The following FBXW11 variants were observed in gnomAD, a reference collection of about 807,000 sequenced individuals.
The protein encoded by FBXW11 is F-box and WD repeat domain containing 11.
In FBXW11, 19 loss-of-function variants were observed where a neutral mutation model predicts 77.6. The observed-to-expected ratio is 0.24, with a 90% CI of 0.17 to 0.36. The LOEUF is 0.36. Among genes scored for constraint, FBXW11 ranks in the 10% least tolerant of loss-of-function variants. FBXW11 has a pLI of 1.00. For missense variants in FBXW11, 334 were observed against 704.2 expected (o/e 0.47, Z 5.95); for synonymous variants, 235 against 249.4 (o/e 0.94, Z 0.54).
At chr5:171,976,100 A>C (rs1289859999) in intron 1 of FBXW11, among the ~76,000 whole-genome samples, 4 of 152,170 alleles carry the variant, frequency 2.6e-5, no homozygotes, top group African/African-American at 9.7e-5. Flanking sequence ...AGGGGAAGGC[A>C]GCAGTTAAGG....
intron 2 of FBXW11, among the ~76,000 whole-genome samples, chr5:171,938,879 C>T (rs1250701359): frequency 5.3e-5 from 8 of 152,132 alleles, no homozygotes; most frequent in East Asian, 1.9e-4. Flanking sequence ...TCAGTATACA[C>T]CTTTAGGTGA....
At chr5:171,976,184 G>A (rs905281806) in intron 1 of FBXW11, among the ~76,000 whole-genome samples, 3 of 152,134 alleles carry the variant, frequency 2.0e-5, no homozygotes, top group African/African-American at 7.2e-5. Flanking sequence ...ACAAGTCAAC[G>A]ACAGTTTTAA....
intron 1 of FBXW11, among the ~76,000 whole-genome samples, chr5:172,003,994 A>C (rs890979382): frequency 6.6e-6 from 1 of 152,220 alleles, no homozygotes; most frequent in Non-Finnish European, 1.5e-5. Context: ...AAATCTAAAA[A>C]TATTTCATGC....
At chr5:171,977,801 C>T (rs1448308507) in intron 1 of FBXW11, 1 of 308,984 alleles carries the variant, frequency 3.2e-6, no homozygotes, top group South Asian at 2.5e-5. Context: ...ATCACGAGAA[C>T]AGCATGGGAA....
intron 7 of FBXW11, among the ~76,000 whole-genome samples, chr5:171,884,358 G>A (rs951498134): frequency 1.3e-5 from 2 of 152,220 alleles, no homozygotes; most frequent in South Asian, 4.1e-4. Context: ...GTAAGTATTT[G>A]GGTTTATTTC....
At chr5:171,908,382 T>C (rs951243521) in intron 4 of FBXW11, among the ~76,000 whole-genome samples, 4 of 152,204 alleles carry the variant, frequency 2.6e-5, no homozygotes, top group African/African-American at 9.6e-5. Flanking sequence ...GCCGTTGTAC[T>C]AATTTTTGAA....
chr5:172,004,894 C>T (rs1256357976), intron 1 of FBXW11, among the ~76,000 whole-genome samples: 2 of 151,992 alleles, frequency 1.3e-5, no homozygotes, highest in African/African-American at 2.4e-5. Flanking sequence ...CACACACACG[C>T]ATGCAAAAAT....
intron 3 of FBXW11, among the ~76,000 whole-genome samples, chr5:171,913,481 GAA>G (rs1761012517): frequency 6.6e-6 from 1 of 152,124 alleles, no homozygotes; most frequent in African/African-American, 2.4e-5. Context: ...GTGTTAAGAA[GAA>G]AATAACAGCA....
Position 171,931,302 on chromosome 5 carries a change from G to T in FBXW11, c.148-16897C>A, listed in dbSNP as rs551084511. On this transcript the variant is annotated intron_variant, in intron 2 of 13. Coordinates refer to ENST00000517395, the MANE Select transcript of FBXW11 (RefSeq NM_001378974.1). The stretch of plus-strand genomic sequence containing the variant: ...CTTCAAAAGGCACTACAAAACTACA[G>T]TATTCACGAAAGTGAAAGTGTGGTA... 4.6e-5 allele frequency among the ~76,000 whole-genome samples: 7 copies of T among 152,332 alleles called. No individual in the cohort carries two copies. The South Asian group carries it at 1.0e-3, about 23-fold the overall frequency.
intron 2 of FBXW11, among the ~76,000 whole-genome samples, chr5:171,948,433 G>A (rs142696290): frequency 1.1e-3 from 159 of 149,462 alleles, no homozygotes; most frequent in African/African-American, 3.6e-3. Flanking sequence ...TAAAATCTCT[G>A]CCATTAAAAA....
intron 2 of FBXW11, among the ~76,000 whole-genome samples, chr5:171,927,397 A>AT (rs1167431040): frequency 1.3e-5 from 2 of 152,092 alleles, no homozygotes; most frequent in Non-Finnish European, 2.9e-5. Flanking sequence ...TACACACAGA[A>AT]TTTTTTTTAA....
rs1766789010 is a variant in FBXW11 at position 172,006,517 on chromosome 5, C to T, written c.-15G>A. 2 of 1,502,748 alleles carry T rather than the reference C, an allele frequency of 1.3e-6. No individual in the cohort carries two copies. Among genetic ancestry groups the T allele is most frequent in the East Asian group, 5.7e-5 (2 of 35,126 alleles). The allele number at this position is 1,502,748 out of a possible 1,614,324, so 93.1% of individuals were successfully genotyped here. Reference sequence around the variant, plus strand: ...TCGGGCTCCATGGCGGCCCCGGCGGCCCCGCCTCGCTCTCCCCGCGCAGCA... The same window carrying T: ...TCGGGCTCCATGGCGGCCCCGGCGGTCCCGCCTCGCTCTCCCCGCGCAGCA... On this transcript the variant is annotated 5_prime_UTR_variant, in exon 1 of 14. Transcript: ENST00000517395.
intron 2 of FBXW11, among the ~76,000 whole-genome samples, chr5:171,943,231 A>G (rs981854171): frequency 2.6e-5 from 4 of 152,224 alleles, no homozygotes; most frequent in African/African-American, 9.6e-5. Context: ...TGCATGTAAC[A>G]TAAGGCATGG....
chr5:171,906,634 T>C (rs560299343), intron 4 of FBXW11, among the ~76,000 whole-genome samples: 109 of 152,290 alleles, frequency 7.2e-4, no homozygotes, highest in Non-Finnish European at 1.3e-3. Context: ...TTATAACATA[T>C]TATCATTAAT....
intron 1 of FBXW11, among the ~76,000 whole-genome samples, chr5:171,981,045 G>C (rs1234447836): frequency 6.6e-6 from 1 of 152,032 alleles, no homozygotes; most frequent in Non-Finnish European, 1.5e-5. Flanking sequence ...AAAAGGAAAG[G>C]GACTGGAGAC....
At chr5:171,975,831 A>C (rs779146302) in intron 1 of FBXW11, among the ~76,000 whole-genome samples, 1 of 152,210 alleles carries the variant, frequency 6.6e-6, no homozygotes, top group Non-Finnish European at 1.5e-5. Flanking sequence ...AAAAATCATA[A>C]AGAATAGCAT....
At position 171,894,970 on chromosome 5, in the gene FBXW11, T is replaced by C. The variant is rs942258476; in HGVS notation, c.715-3366A>G. 2.0e-3 allele frequency among the ~76,000 whole-genome samples: 299 copies of C among 152,186 alleles called. 3 individuals carry two copies. Among genetic ancestry groups the C allele is most frequent in the Non-Finnish European group, 1.0e-4 (7 of 68,030 alleles). On this transcript the variant is annotated intron_variant, in intron 6 of 13. Coordinates refer to ENST00000517395, the MANE Select transcript of FBXW11 (RefSeq NM_001378974.1). ...TGGGCTGCAACAACAAATACATATATTCTCACAAAGTTGCCAGAAATTGTT... is the reference window on the plus strand; with the variant it reads ...TGGGCTGCAACAACAAATACATATACTCTCACAAAGTTGCCAGAAATTGTT...
chr5:171,970,212 G>C (rs1391836428), intron 1 of FBXW11, among the ~76,000 whole-genome samples: 1 of 152,170 alleles, frequency 6.6e-6, no homozygotes, highest in Non-Finnish European at 1.5e-5. Context: ...TCCCTCGAAG[G>C]AGGGACTTGG....
At chr5:171,883,402 A>G (rs1188183535) in intron 7 of FBXW11, among the ~76,000 whole-genome samples, 1 of 152,242 alleles carries the variant, frequency 6.6e-6, no homozygotes, top group Non-Finnish European at 1.5e-5. Flanking sequence ...CGGGAGGGAT[A>G]GCATTAGGAG....
Sources: allele counts gnomAD v4.1 joint callset (sites outside exome capture counted in the v4.1 genomes callset), GRCh38; gene constraint gnomAD v4.1.1; transcripts MANE v1.5; gene names NCBI Gene and HGNC (gene_info 2026-07-23, HGNC 2026-07-21).